The following TECPR2 variants were observed in gnomAD, a reference collection of about 807,000 sequenced individuals.
The protein encoded by TECPR2 is tectonin beta-propeller repeat containing 2.
Under a neutral mutation model 138.1 loss-of-function variants are expected in TECPR2, and 65 were observed. The observed-to-expected ratio is 0.47, with a 90% CI of 0.39 to 0.58. The LOEUF (loss-of-function observed/expected upper bound fraction) is 0.58, where lower values mean the gene tolerates loss of function less well. Among genes scored for constraint, TECPR2 ranks in the 20% least tolerant of loss-of-function variants. The pLI is 0.00. For missense variants in TECPR2, 1,553 were observed against 1,824.5 expected, an observed-to-expected ratio of 0.85 and a Z score of 2.71; for synonymous variants, 746 against 749.8, an observed-to-expected ratio of 0.99 and a Z score of 0.08.
In TECPR2 at chr14:102,452,631, C is replaced by T. The variant is rs369976573; in HGVS notation, c.3640+4C>T. 1.1e-5 allele frequency: 17 copies of T among 1,577,280 alleles called. No homozygotes were observed. The highest frequency in any genetic ancestry group is 1.1e-5 in the Non-Finnish European group (13 of 1,161,358). The stretch of plus-strand genomic sequence containing the variant: ...AGGCTGGACCTCTCCCAGCTAGGTA[C>T]GGCCACCTCGTGAGTACACCTGCCG... On this transcript the variant is annotated splice_donor_region_variant and intron_variant, in intron 16 of 19. Transcript: ENST00000359520.
intron 17 of TECPR2, among the ~76,000 whole-genome samples, chr14:102,479,920 CT>C (rs1890849161): frequency 6.6e-6 from 1 of 152,238 alleles, no homozygotes; most frequent in South Asian, 2.1e-4. Context: ...CTCAGGGAGA[CT>C]GCAGCATCCT....
At chr14:102,409,675 T>C (rs750432556) in intron 4 of TECPR2, among the ~76,000 whole-genome samples, 2 of 152,202 alleles carry the variant, frequency 1.3e-5, no homozygotes, top group Non-Finnish European at 2.9e-5. Context: ...TATTCTCTAG[T>C]AGTAGTTCTC....
At chr14:102,417,225 T>C (rs1889049767) in intron 5 of TECPR2, among the ~76,000 whole-genome samples, 1 of 152,230 alleles carries the variant, frequency 6.6e-6, no homozygotes, top group Non-Finnish European at 1.5e-5. Context: ...GCTAACAGAA[T>C]AAGAGGAAAT....
chr14:102,434,448 C>A lies in TECPR2; in HGVS notation c.1631C>A (p.Pro544His). Reference sequence around the variant, plus strand: ...GGTGTCCCACAGGAAAATACTGACCCCGAAACGTTTAATGTCCTGGAGGTG... The same window carrying A: ...GGTGTCCCACAGGAAAATACTGACCACGAAACGTTTAATGTCCTGGAGGTG... ...VNGVPQENTD[P>H]ETFNVLEVSG... Residue 544 changes from proline (P) to histidine (H), a missense_variant, in exon 9 of 20, where the codon CCC becomes CAC. Transcript: ENST00000359520. The A allele has an allele frequency of 6.5e-7, 1 of 1,539,070 alleles. No individual in the cohort carries two copies. The highest frequency in any genetic ancestry group is 8.7e-7 in the Non-Finnish European group (1 of 1,144,644).
intron 17 of TECPR2, among the ~76,000 whole-genome samples, chr14:102,495,402 A>G (rs1891253312): frequency 6.6e-6 from 1 of 152,142 alleles, no homozygotes; most frequent in African/African-American, 2.4e-5. Context: ...CCCCCTTTCT[A>G]TACATCACAC....
At chr14:102,377,566 C>T (rs1481619631) in intron 2 of TECPR2, among the ~76,000 whole-genome samples, 1 of 152,052 alleles carries the variant, frequency 6.6e-6, no homozygotes, top group South Asian at 2.1e-4. Flanking sequence ...ATTAGCTGGG[C>T]GTGGTGGCAT....
In TECPR2 at chr14:102,497,724, G is replaced by A. The variant is rs1188731268; in HGVS notation, c.4081+5G>A. On this transcript the variant is annotated splice_donor_5th_base_variant and intron_variant, in intron 19 of 19. Coordinates refer to ENST00000359520, the MANE Select transcript of TECPR2 (RefSeq NM_014844.5). ...GCAGCGTGTCGTGTTTCACAGGCAG[G>A]TGCCCGGGGCCAGTGGGCTTAAGGC... 6.3e-7 allele frequency: 1 copy of A among 1,599,870 alleles called. No individual in the cohort carries two copies. Among genetic ancestry groups the A allele is most frequent in the East Asian group, 2.2e-5 (1 of 44,540 alleles).
intron 17 of TECPR2, among the ~76,000 whole-genome samples, chr14:102,484,572 G>A (rs1368417489): frequency 1.3e-5 from 2 of 151,848 alleles, no homozygotes; most frequent in African/African-American, 2.4e-5. Flanking sequence ...TCCAGGGCCC[G>A]CTGAGTCCTT....
intron 16 of TECPR2, among the ~76,000 whole-genome samples, chr14:102,461,033 C>T (rs1475818670): frequency 6.6e-6 from 1 of 151,938 alleles, no homozygotes; most frequent in Non-Finnish European, 1.5e-5. Context: ...CCTCTTCTTT[C>T]TACCCCTATA....
intron 2 of TECPR2, among the ~76,000 whole-genome samples, chr14:102,398,072 CAA>C (rs560266373): frequency 8.7e-5 from 4 of 45,792 alleles, no homozygotes; most frequent in Admixed American, 2.1e-4. Flanking sequence ...GATTCTGTCT[CAA>C]AAAAAAAAAA....
At chr14:102,401,498 G>A (rs1228399830) in intron 2 of TECPR2, among the ~76,000 whole-genome samples, 1 of 150,134 alleles carries the variant, frequency 6.7e-6, no homozygotes, top group Non-Finnish European at 1.5e-5. Flanking sequence ...AGAGACTCAC[G>A]GCCAGGTGCA....
At chr14:102,371,958 G>T (rs973661911) in intron 1 of TECPR2, among the ~76,000 whole-genome samples, 2 of 152,112 alleles carry the variant, frequency 1.3e-5, no homozygotes, top group Non-Finnish European at 2.9e-5. Flanking sequence ...GCATATCTCA[G>T]TATGATGAGA....
At chr14:102,377,038 C>G (rs1887660912) in intron 2 of TECPR2, 98 bp downstream of exon 2, 1 of 1,277,714 alleles carries the variant, frequency 7.8e-7, no homozygotes, top group Non-Finnish European at 1.1e-6. Flanking sequence ...TCTGATTTGC[C>G]AGAATATGGC....
At chr14:102,451,585 G>A (rs1157600122) in intron 15 of TECPR2, among the ~76,000 whole-genome samples, 2 of 152,048 alleles carry the variant, frequency 1.3e-5, no homozygotes, top group African/African-American at 4.8e-5. Flanking sequence ...CATGTTGCAG[G>A]GATGTTACCG....
At position 102,434,451 on chromosome 14, in the gene TECPR2, A is replaced by G. The variant is rs1365647213; in HGVS notation, c.1634A>G (p.Glu545Gly). ...NGVPQENTDP[E>G]TFNVLEVSGS... ...GTCCCACAGGAAAATACTGACCCCG[A>G]AACGTTTAATGTCCTGGAGGTGTCA... The change falls in exon 9 of 20, where the codon GAA becomes GGA. Residue 545 changes from glutamate (E) to glycine (G), a missense_variant. Transcript: ENST00000359520. 5 of 1,539,422 alleles carry G rather than the reference A, an allele frequency of 3.2e-6. No homozygotes were observed. In the Admixed American group the frequency reaches 1.0e-4, roughly 32 times the overall value.
Position 102,419,495 on chromosome 14 carries a change from G to A in TECPR2, c.638+4702G>A, listed in dbSNP as rs903840335. Among the ~76,000 whole-genome samples, 2 of 152,134 alleles carry A rather than the reference G, an allele frequency of 1.3e-5. No individual in the cohort carries two copies. The highest frequency in any genetic ancestry group is 2.9e-5 in the Non-Finnish European group (2 of 68,022). ...GTGGAGGGAACACAGTGCTGGTGGG[G>A]ACAGAGTGCAGGCGGTGGCCTCAGT... is the stretch of plus-strand genomic sequence containing the variant. On this transcript the variant is annotated intron_variant, in intron 5 of 19. Transcript: ENST00000359520. This position sits in a 1 kb window ranked among gnomAD's most constrained non-coding sequence, Gnocchi z 4.8.
chr14:102,429,958 TTTTTA>T lies in TECPR2; in HGVS notation c.1084+1596_1084+1600del, dbSNP rs113494874. On this transcript the variant is annotated intron_variant, in intron 7 of 19. Transcript: ENST00000359520. ...GAGATGAATTTTACATTTTGTTTAA[TTTTTA>T]TTTTATTTTATTTTATTTTTTGAGA... Among the ~76,000 whole-genome samples the T allele has an allele frequency of 3.3e-5, 5 of 152,246 alleles. No individual in the cohort carries two copies. The East Asian group carries it at 7.7e-4, about 23-fold the overall frequency.
At chr14:102,437,128 T>C in intron 9 of TECPR2, 5 of 985,408 alleles carry the variant, frequency 5.1e-6, no homozygotes, top group Non-Finnish European at 6.0e-6. Flanking sequence ...TTGAGAAGAG[T>C]TGGGCACCAT....
intron 7 of TECPR2, 34 bp downstream of exon 7, chr14:102,428,416 G>C: frequency 1.2e-6 from 2 of 1,606,550 alleles, no homozygotes; most frequent in Non-Finnish European, 1.7e-6. Flanking sequence ...CCATGTATAT[G>C]ATGGGAAGTA....
Sources: gnomAD v4.1 joint callset for allele counts (sites outside exome capture counted in the v4.1 genomes callset) on GRCh38, gnomAD v4.1.1 for gene constraint, Gnocchi (gnomAD v3.1) non-coding constraint, MANE v1.5 for transcripts, NCBI Gene and HGNC (gene_info 2026-07-23, HGNC 2026-07-21) for gene names.